Variants in PKHD1 observed in about 807,000 individuals in gnomAD.
PKHD1 encodes the protein PKHD1 ciliary IPT domain containing fibrocystin/polyductin, also known as fibrocystin.
In PKHD1, 291 loss-of-function variants were observed where a neutral mutation model predicts 412.0. The observed-to-expected ratio is 0.71, with a 90% confidence interval of 0.64 to 0.78. The LOEUF (loss-of-function observed/expected upper bound fraction) is 0.78. Among genes scored for constraint, PKHD1 ranks in the 30% least tolerant of loss-of-function variants. The probability of loss-of-function intolerance (pLI) is 0.00; values close to 1 mark genes in which losing one functional copy is unlikely to be tolerated. For missense variants in PKHD1, 4,825 were observed against 4,950.7 expected (o/e 0.97, Z 0.76); for synonymous variants, 1,777 against 1,821.5 (o/e 0.98, Z 0.62).
chr6:51,805,414 A>C (rs1763616367), intron 52 of PKHD1, among the ~76,000 whole-genome samples: 1 of 152,180 alleles, frequency 6.6e-6, no homozygotes, highest in Admixed American at 6.6e-5. Context: ...CTGAAGAGCT[A>C]CCTATTGGGT....
intron 44 of PKHD1, 79 bp from the exon 45 acceptor site, chr6:51,886,051 G>A: frequency 1.1e-6 from 1 of 885,822 alleles, no homozygotes. Flanking sequence ...AAAATACAAA[G>A]TAAAAGTAAT....
At chr6:51,883,370 G>T in intron 45 of PKHD1, 143 bp from the exon 46 acceptor site, 1 of 740,352 alleles carries the variant, frequency 1.4e-6, no homozygotes, top group East Asian at 2.6e-5. Context: ...TGTCAGTATA[G>T]GCATCCTCAA....
chr6:51,883,139 T>C lies in PKHD1; in HGVS notation c.7304A>G (p.Asn2435Ser). Residue 2435 changes from asparagine (N) to serine (S), a missense_variant, in exon 46 of 67, where the codon AAT (asparagine) becomes AGT (serine). By Grantham distance (46) the Asn-to-Ser change is conservative (BLOSUM62 1). Transcript: ENST00000371117. ...TAATAAGCTGTCAGTAACTGAAGTATTTGCATCACTTTCCAAGACGTCAAT... is the reference window on the plus strand; with the variant it reads ...TAATAAGCTGTCAGTAACTGAAGTACTTGCATCACTTTCCAAGACGTCAAT... ...FGIDVLESDA[N>S]TSVTDSLLLG... The C allele has an allele frequency of 6.2e-7, 1 of 1,612,910 alleles. No homozygotes were observed. The highest frequency in any genetic ancestry group is 2.2e-5 in the East Asian group (1 of 44,846).
At position 51,688,744 on chromosome 6, in the gene PKHD1, A is replaced by G. The variant is rs184140289; in HGVS notation, c.10157-28775T>C. On this transcript the variant is annotated intron_variant, in intron 60 of 66. Transcript: ENST00000371117. The stretch of plus-strand genomic sequence containing the variant: ...CTATTTTATGCATACAAACTAGAAA[A>G]TCTAGAAGAAATGGATAAATTCCTG... Among the ~76,000 whole-genome samples, 351 of 152,294 alleles carry G rather than the reference A, an allele frequency of 2.3e-3. 1 individual carries two copies. Among genetic ancestry groups the G allele is most frequent in the Non-Finnish European group, 4.0e-3 (275 of 68,036 alleles).
At chr6:51,849,980 C>G (rs1377916348) in intron 49 of PKHD1, among the ~76,000 whole-genome samples, 1 of 152,170 alleles carries the variant, frequency 6.6e-6, no homozygotes, top group East Asian at 1.9e-4. Flanking sequence ...TGCCTATGTC[C>G]TGGATGGTAT....
At chr6:51,798,876 A>G (rs1326565) in intron 52 of PKHD1, among the ~76,000 whole-genome samples, 89,787 of 151,982 alleles carry the variant, frequency 0.59, 27,188 homozygotes, top group East Asian at 0.83. Flanking sequence ...TCTCATCCAC[A>G]GAGTACTCAC....
chr6:51,894,083 G>C (rs1330672660), intron 43 of PKHD1, among the ~76,000 whole-genome samples: 1 of 152,168 alleles, frequency 6.6e-6, no homozygotes, highest in South Asian at 2.1e-4. Flanking sequence ...ATTCACACAG[G>C]TTATGTCTTC....
rs189357827 is a variant in PKHD1, at chr6:51,724,477, C to T, written c.10156+19908G>A. On this transcript the variant is annotated intron_variant, in intron 60 of 66. Transcript: ENST00000371117. ...TACACACATTAATAAATTTGCATGC[C>T]GTTTGTCCTGTTGATCTATTTATTG... Among the ~76,000 whole-genome samples the T allele has an allele frequency of 9.7e-4, 148 of 152,158 alleles. 1 individual carries two copies. Among genetic ancestry groups the T allele is most frequent in the African/African-American group, 3.5e-3 (144 of 41,518 alleles).
rs180850340 is a variant in PKHD1 at position 51,794,842 on chromosome 6, T to C, written c.8303-3469A>G. Among the ~76,000 whole-genome samples, 220 of 152,294 alleles carry C rather than the reference T, an allele frequency of 1.4e-3. 1 individual carries two copies. The South Asian group carries it at 0.024, about 17-fold the overall frequency. The stretch of plus-strand genomic sequence containing the variant: ...ATGAGATGGTTGTAGGTGTGCAGTC[T>C]TATTTATGCCTTCTCTTTCTGTTCC... On this transcript the variant is annotated intron_variant, in intron 52 of 66. Coordinates refer to ENST00000371117, the MANE Select transcript of PKHD1 (RefSeq NM_138694.4).
At chr6:51,647,591 T>G (rs1415210468) in intron 63 of PKHD1, among the ~76,000 whole-genome samples, 3 of 152,172 alleles carry the variant, frequency 2.0e-5, no homozygotes, top group African/African-American at 7.2e-5. Context: ...TTCATACCAC[T>G]GAGAGCAAGT....
At position 51,772,732 on chromosome 6, in the gene PKHD1, A is replaced by G. The variant is rs760459070; in HGVS notation, c.8612T>C (p.Leu2871Pro). The G allele has an allele frequency of 1.3e-6, 2 of 1,597,006 alleles. No homozygotes were observed. The highest frequency in any genetic ancestry group is 1.1e-5 in the South Asian group (1 of 90,618). Residue 2871 changes from leucine (L) to proline (P), a missense_variant, in exon 55 of 67, where the codon CTT becomes CCT. By Grantham distance (98) the Leu-to-Pro change is moderately conservative. Transcript: ENST00000371117. ...SAYPKNSWTH[L>P]GADIASGNER... ...ATTTCCTGAGGCAATATCAGCTCCA[A>G]GATGTGTCCAGGAGTTCTTAGGATA...
chr6:51,673,320 T>C (rs1775298276), intron 60 of PKHD1, among the ~76,000 whole-genome samples: 1 of 152,178 alleles, frequency 6.6e-6, no homozygotes, highest in South Asian at 2.1e-4. Context: ...GATGCCCCAC[T>C]TCTAGTTTGA....
At chr6:51,645,283 T>C (rs910539775) in intron 63 of PKHD1, among the ~76,000 whole-genome samples, 1 of 152,242 alleles carries the variant, frequency 6.6e-6, no homozygotes, top group Non-Finnish European at 1.5e-5. Context: ...AAGGTAATAA[T>C]AGATAATTGT....
chr6:51,919,466 C>G (rs983373298), intron 37 of PKHD1, among the ~76,000 whole-genome samples: 1 of 152,130 alleles, frequency 6.6e-6, no homozygotes, highest in South Asian at 2.1e-4. Flanking sequence ...TCTGAGGGCT[C>G]TGTTCTGTTC....
In PKHD1 at chr6:51,964,363, A is replaced by G. The variant is rs556104439; in HGVS notation, c.5752-4337T>C. The stretch of plus-strand genomic sequence containing the variant: ...GTCTCCTGGCTGACAAGAACAAGAA[A>G]TAACTGTTCTGACACCTCACCAAAA... On this transcript the variant is annotated intron_variant, in intron 35 of 66. Coordinates refer to ENST00000371117, the MANE Select transcript of PKHD1 (RefSeq NM_138694.4). Among the ~76,000 whole-genome samples, 17 of 152,226 alleles carry G rather than the reference A, an allele frequency of 1.1e-4. No individual in the cohort carries two copies. In the South Asian group the frequency reaches 1.5e-3, roughly 13 times the overall value.
At chr6:51,806,872 A>C (rs1763861420) in intron 52 of PKHD1, among the ~76,000 whole-genome samples, 1 of 152,150 alleles carries the variant, frequency 6.6e-6, no homozygotes, top group Non-Finnish European at 1.5e-5. Flanking sequence ...AGAGAACATC[A>C]GGTGGGATTA....
chr6:51,790,951 T>C (rs1240001801), intron 53 of PKHD1, among the ~76,000 whole-genome samples: 1 of 152,112 alleles, frequency 6.6e-6, no homozygotes, highest in African/African-American at 2.4e-5. Context: ...AAAGGAAGAA[T>C]TGATCTGTAG....
At chr6:51,725,574 G>T (rs1056915835) in intron 60 of PKHD1, among the ~76,000 whole-genome samples, 3 of 152,198 alleles carry the variant, frequency 2.0e-5, no homozygotes, top group Non-Finnish European at 2.9e-5. Flanking sequence ...AGACCATCGG[G>T]TGCTTGTGCA....
intron 48 of PKHD1, among the ~76,000 whole-genome samples, chr6:51,861,381 C>A (rs1268744138): frequency 2.0e-5 from 3 of 152,220 alleles, no homozygotes. Context: ...TAAAGACAAG[C>A]ATTGCACAGA....
Sources: allele counts gnomAD v4.1 joint callset (sites outside exome capture counted in the v4.1 genomes callset), GRCh38; gene constraint gnomAD v4.1.1; transcripts MANE v1.5; gene names NCBI Gene and HGNC (gene_info 2026-07-23, HGNC 2026-07-21).